The following ARHGAP22 variants were observed in gnomAD, a reference collection of about 807,000 sequenced individuals.
ARHGAP22 encodes the protein Rho GTPase activating protein 22, also known as rho GTPase-activating protein 22.
ARHGAP22 carries 48 observed loss-of-function variants against 59.1 expected under a neutral mutation model. That is an observed-to-expected ratio of 0.81 (90% CI 0.64 to 1.03). The LOEUF is 1.03. ARHGAP22 is among the 50% of genes least tolerant of loss of function. The probability of loss-of-function intolerance (pLI) is 0.00; values close to 1 mark genes in which losing one functional copy is unlikely to be tolerated. For synonymous variants in ARHGAP22, 445 were observed against 416.4 expected, an observed-to-expected ratio of 1.07 and a Z score of -0.84; for missense variants, 1,015 against 958.7, an observed-to-expected ratio of 1.06 and a Z score of -0.78.
intron 1 of ARHGAP22, among the ~76,000 whole-genome samples, chr10:48,618,995 A>G (rs1212965105): frequency 6.6e-6 from 1 of 152,178 alleles, no homozygotes; most frequent in Non-Finnish European, 1.5e-5. Flanking sequence ...AAACAAATTC[A>G]GTAAATTTGT....
intron 5 of ARHGAP22, among the ~76,000 whole-genome samples, chr10:48,457,629 G>C (rs1245308091): frequency 6.6e-6 from 1 of 152,210 alleles, no homozygotes; most frequent in African/African-American, 2.4e-5. Flanking sequence ...GGCAACCCGG[G>C]AGACTGACAG....
intron 2 of ARHGAP22, among the ~76,000 whole-genome samples, chr10:48,570,404 A>G (rs2058325724): frequency 6.6e-6 from 1 of 152,202 alleles, no homozygotes; most frequent in African/African-American, 2.4e-5. Flanking sequence ...TGCAGCACTA[A>G]TGGGAGTGTG....
chr10:48,542,697 C>T (rs2056073622), intron 3 of ARHGAP22, among the ~76,000 whole-genome samples: 1 of 152,166 alleles, frequency 6.6e-6, no homozygotes, highest in African/African-American at 2.4e-5. Flanking sequence ...GTGGAGTATG[C>T]TCAGGGTCGG....
chr10:48,551,433 G>A (rs966533041), intron 3 of ARHGAP22, among the ~76,000 whole-genome samples: 1 of 152,168 alleles, frequency 6.6e-6, no homozygotes, highest in African/African-American at 2.4e-5. Flanking sequence ...AACCCCATTT[G>A]CCATCAGTCC....
intron 1 of ARHGAP22, among the ~76,000 whole-genome samples, chr10:48,630,225 G>T (rs2061584011): frequency 1.3e-5 from 2 of 152,130 alleles, no homozygotes; most frequent in African/African-American, 4.8e-5. Context: ...CTGACTAGCT[G>T]GGACTACAGG....
At chr10:48,522,901 CAT>C (rs1463976285) in intron 3 of ARHGAP22, among the ~76,000 whole-genome samples, 1 of 152,232 alleles carries the variant, frequency 6.6e-6, no homozygotes, top group Non-Finnish European at 1.5e-5. Context: ...AACTGGGCTC[CAT>C]TTTCCCTTGA....
chr10:48,478,008 G>GT (rs989552867), intron 4 of ARHGAP22, among the ~76,000 whole-genome samples: 4 of 150,050 alleles, frequency 2.7e-5, no homozygotes, highest in Non-Finnish European at 5.9e-5. Context: ...ATAGATTAGT[G>GT]TTTTTTTGTA....
intron 1 of ARHGAP22, among the ~76,000 whole-genome samples, chr10:48,601,652 C>T (rs566809090): frequency 6.6e-6 from 1 of 152,272 alleles, no homozygotes; most frequent in African/African-American, 2.4e-5. Context: ...GTTAGATTAA[C>T]AACAGAATTT....
At chr10:48,655,261 G>C (rs919359208), upstream of ARHGAP22, among the ~76,000 whole-genome samples, 11 of 142,040 alleles carry the variant, frequency 7.7e-5, no homozygotes, top group South Asian at 2.3e-4. Flanking sequence ...GTGTGTGGGG[G>C]GGGGGGGGGG....
intron 1 of ARHGAP22, among the ~76,000 whole-genome samples, chr10:48,585,968 C>T (rs184166320): frequency 6.6e-6 from 1 of 152,202 alleles, no homozygotes; most frequent in African/African-American, 2.4e-5. Flanking sequence ...CCTCTGAAGC[C>T]CAACAGCGCC....
intron 3 of ARHGAP22, among the ~76,000 whole-genome samples, chr10:48,491,294 T>C (rs557795616): frequency 7.5e-4 from 115 of 152,350 alleles, no homozygotes; most frequent in African/African-American, 2.7e-3. Flanking sequence ...TTGGACCTGC[T>C]GTTCCCTTGC....
intron 3 of ARHGAP22, among the ~76,000 whole-genome samples, chr10:48,534,358 G>GC (rs2055151025): frequency 2.0e-5 from 3 of 152,066 alleles, no homozygotes; most frequent in Non-Finnish European, 4.4e-5. Flanking sequence ...CCCCCACCCT[G>GC]CCCCCACCTG....
intron 2 of ARHGAP22, among the ~76,000 whole-genome samples, chr10:48,572,693 C>A (rs73300246): frequency 1.3e-5 from 2 of 152,186 alleles, no homozygotes; most frequent in Non-Finnish European, 2.9e-5. Flanking sequence ...CATCCATTCC[C>A]TCAAAGTGCC....
At chr10:48,598,685 G>A (rs956241209) in intron 1 of ARHGAP22, among the ~76,000 whole-genome samples, 6 of 152,176 alleles carry the variant, frequency 3.9e-5, no homozygotes, top group East Asian at 1.9e-4. Flanking sequence ...AGACAGGCAC[G>A]CCACTCCATT....
chr10:48,485,548 C>A (rs2049769665), intron 3 of ARHGAP22, among the ~76,000 whole-genome samples: 1 of 152,162 alleles, frequency 6.6e-6, no homozygotes, highest in African/African-American at 2.4e-5. Context: ...AATATCCATA[C>A]TGATTTTTCT....
intron 1 of ARHGAP22, among the ~76,000 whole-genome samples, chr10:48,613,773 A>T (rs1296600006): frequency 6.6e-6 from 1 of 152,192 alleles, no homozygotes; most frequent in African/African-American, 2.4e-5. Flanking sequence ...TTACTTAAGG[A>T]AGTGCTATGG....
intron 3 of ARHGAP22, among the ~76,000 whole-genome samples, chr10:48,512,305 G>A (rs2052859302): frequency 1.3e-5 from 2 of 152,248 alleles, no homozygotes; most frequent in Non-Finnish European, 2.9e-5. Context: ...AGGCTCTGGT[G>A]CCAGATAGCC....
At chr10:48,560,893 A>G (rs1423942058) in intron 2 of ARHGAP22, among the ~76,000 whole-genome samples, 1 of 152,138 alleles carries the variant, frequency 6.6e-6, no homozygotes, top group Admixed American at 6.5e-5. Flanking sequence ...TGTTAGATTC[A>G]ATATGCTAAA....
intron 3 of ARHGAP22, among the ~76,000 whole-genome samples, chr10:48,515,770 G>A (rs1225243015): frequency 1.3e-5 from 2 of 152,136 alleles, no homozygotes; most frequent in African/African-American, 4.8e-5. Context: ...CAATAAAAAA[G>A]GACATTTGAG....
Sources: gnomAD v4.1 joint callset for allele counts (sites outside exome capture counted in the v4.1 genomes callset) on GRCh38, gnomAD v4.1.1 for gene constraint, MANE v1.5 for transcripts, NCBI Gene and HGNC (gene_info 2026-07-23, HGNC 2026-07-21) for gene names.